Variants in MICU1 observed in about 807,000 individuals in gnomAD.
MICU1 encodes calcium uptake protein 1, mitochondrial.
A neutral mutation model predicts 56.8 loss-of-function variants in MICU1; 45 were observed. The observed-to-expected ratio is 0.79, with a 90% confidence interval of 0.62 to 1.02. MICU1 has a LOEUF of 1.02. MICU1 is among the 50% of genes least tolerant of loss of function. The pLI is 0.00. For missense variants in MICU1, 504 were observed against 587.1 expected (o/e 0.86, Z 1.46); for synonymous variants, 186 against 195.1 (o/e 0.95, Z 0.39).
At chr10:72,621,829 T>C (rs1008381176) in intron 1 of MICU1, among the ~76,000 whole-genome samples, 10 of 152,312 alleles carry the variant, frequency 6.6e-5, no homozygotes, top group Admixed American at 5.2e-4. Flanking sequence ...TAAGTGATTA[T>C]AATAGGCATT....
At chr10:72,570,657 T>C (rs1840587155) in intron 1 of MICU1, among the ~76,000 whole-genome samples, 1 of 152,208 alleles carries the variant, frequency 6.6e-6, no homozygotes, top group South Asian at 2.1e-4. Flanking sequence ...GGTCCAATTT[T>C]GAAATTGGAC....
chr10:72,602,324 G>A (rs907214260), intron 1 of MICU1, among the ~76,000 whole-genome samples: 22 of 151,742 alleles, frequency 1.4e-4, no homozygotes, highest in African/African-American at 3.9e-4. Flanking sequence ...GGTGGCACAC[G>A]CCTGTAATCC....
At chr10:72,433,553 G>A (rs1359074829) in intron 8 of MICU1, among the ~76,000 whole-genome samples, 1 of 151,574 alleles carries the variant, frequency 6.6e-6, no homozygotes, top group Non-Finnish European at 1.5e-5. Context: ...TCAGCCTCCA[G>A]AGTAGCTGGG....
At chr10:72,455,077 G>A (rs939552640) in intron 8 of MICU1, among the ~76,000 whole-genome samples, 2 of 151,902 alleles carry the variant, frequency 1.3e-5, no homozygotes, top group African/African-American at 2.4e-5. Context: ...TCGGCCAGGC[G>A]CAGTGGCTCA....
rs186120635 is a variant in MICU1, at chr10:72,577,638, T to C, written c.-1-10844A>G. Among the ~76,000 whole-genome samples, 7 of 152,230 alleles carry C rather than the reference T, an allele frequency of 4.6e-5. No homozygotes were observed. The East Asian group carries it at 1.4e-3, about 29-fold the overall frequency. Reference sequence around the variant, plus strand: ...ACTAGAATTAGAAGTGGAGCCTGAATAGCACACTGGAATTCTAATTCAAAA... The same window carrying C: ...ACTAGAATTAGAAGTGGAGCCTGAACAGCACACTGGAATTCTAATTCAAAA... On this transcript the variant is annotated intron_variant, in intron 1 of 11. Transcript: ENST00000361114.
chr10:72,555,273 A>G (rs1840132816), intron 3 of MICU1, among the ~76,000 whole-genome samples: 1 of 152,220 alleles, frequency 6.6e-6, no homozygotes, highest in African/African-American at 2.4e-5. Context: ...ATCATCTTTT[A>G]GTTTACTGTT....
chr10:72,522,039 T>C (rs1407874345), intron 5 of MICU1, among the ~76,000 whole-genome samples: 5 of 152,048 alleles, frequency 3.3e-5, no homozygotes. Context: ...AAATACATCA[T>C]GCCAAAAACA....
At chr10:72,406,998 C>G (rs1397334398) in intron 10 of MICU1, among the ~76,000 whole-genome samples, 1 of 152,136 alleles carries the variant, frequency 6.6e-6, no homozygotes, top group Non-Finnish European at 1.5e-5. Context: ...AGATGGATCT[C>G]AAAAACATTG....
In MICU1 at chr10:72,374,808, C is replaced by CTTTTTTT. The variant is rs34228174; in HGVS notation, c.1270+968_1270+974dup. Reference sequence around the variant, plus strand: ...TCCTGGTTTTGCCATCTACTATTATCTTTTTTTTTTTTTTTTTTTTTTTTT... The same window carrying CTTTTTTT: ...TCCTGGTTTTGCCATCTACTATTATCTTTTTTTTTTTTTTTTTTTTTTTTTTTTTTTT... On this transcript the variant is annotated intron_variant, in intron 11 of 11. Transcript: ENST00000361114. 5.2e-5 allele frequency among the ~76,000 whole-genome samples: 4 copies of CTTTTTTT among 77,230 alleles called. 1 individual carries two copies. The highest frequency in any genetic ancestry group is 1.6e-4 in the African/African-American group (3 of 19,288). The allele number at this position is 77,230 out of a possible 152,430, so 50.7% of individuals were successfully genotyped here.
chr10:72,594,179 GGA>G (rs1345693524), intron 1 of MICU1, among the ~76,000 whole-genome samples: 1 of 152,124 alleles, frequency 6.6e-6, no homozygotes, highest in East Asian at 1.9e-4. Flanking sequence ...ATAGACCAAT[GGA>G]ATAAAGTCCA....
At chr10:72,371,386 C>CAA (rs56014491) in intron 11 of MICU1, among the ~76,000 whole-genome samples, 12 of 91,184 alleles carry the variant, frequency 1.3e-4, no homozygotes, top group South Asian at 3.6e-4. Context: ...GACTCCGTCT[C>CAA]AAAAAAAAAA....
At chr10:72,410,487 C>T (rs1863773489) in intron 9 of MICU1, among the ~76,000 whole-genome samples, 1 of 152,104 alleles carries the variant, frequency 6.6e-6, no homozygotes, top group Non-Finnish European at 1.5e-5. Context: ...GGCATGGTGG[C>T]AAATGCCTGC....
At chr10:72,387,233 T>C (rs1862920536) in intron 10 of MICU1, among the ~76,000 whole-genome samples, 1 of 152,172 alleles carries the variant, frequency 6.6e-6, no homozygotes, top group Non-Finnish European at 1.5e-5. Context: ...TACTTATAAC[T>C]CCAACCTGAG....
chr10:72,493,050 G>C (rs1267804737), intron 6 of MICU1, among the ~76,000 whole-genome samples: 2 of 152,208 alleles, frequency 1.3e-5, no homozygotes, highest in African/African-American at 4.8e-5. Flanking sequence ...CTAGGAGGCA[G>C]AGGTGGCAGT....
chr10:72,452,014 G>A lies in MICU1; in HGVS notation c.933+23086C>T, dbSNP rs145065457. 2.8e-3 allele frequency among the ~76,000 whole-genome samples: 426 copies of A among 152,022 alleles called. 3 individuals are homozygous for A. Among genetic ancestry groups the A allele is most frequent in the African/African-American group, 9.7e-3 (402 of 41,466 alleles). On this transcript the variant is annotated intron_variant, in intron 8 of 11. Coordinates refer to ENST00000361114, the MANE Select transcript of MICU1 (RefSeq NM_001195518.2). ...TGAGTATCTGGGATTACAGGCACCT[G>A]CCACCATGCCTGGCTAATTTTTTCT...
At chr10:72,518,831 C>T (rs894683079) in intron 5 of MICU1, among the ~76,000 whole-genome samples, 37 of 152,106 alleles carry the variant, frequency 2.4e-4, no homozygotes, top group African/African-American at 7.0e-4. Flanking sequence ...CAGGCATGTG[C>T]CACCATGCCT....
At chr10:72,583,712 C>T (rs1324479074) in intron 1 of MICU1, among the ~76,000 whole-genome samples, 1 of 152,196 alleles carries the variant, frequency 6.6e-6, no homozygotes, top group Non-Finnish European at 1.5e-5. Flanking sequence ...CAAAACATAA[C>T]ACTATATTAG....
At chr10:72,372,309 A>G (rs950712670) in intron 11 of MICU1, among the ~76,000 whole-genome samples, 1 of 152,100 alleles carries the variant, frequency 6.6e-6, no homozygotes, top group Non-Finnish European at 1.5e-5. Flanking sequence ...TTGAGGTTAC[A>G]GTGAGCTATG....
chr10:72,533,638 T>A, intron 5 of MICU1, 108 bp downstream of exon 5: 1 of 792,688 alleles, frequency 1.3e-6, no homozygotes, highest in Non-Finnish European at 2.0e-6. Context: ...GCTCTTTTGG[T>A]AAGATAAACA....
Sources: allele counts gnomAD v4.1 joint callset (sites outside exome capture counted in the v4.1 genomes callset), GRCh38; gene constraint gnomAD v4.1.1; transcripts MANE v1.5; gene names NCBI Gene and HGNC (gene_info 2026-07-23, HGNC 2026-07-21).